The following RPH3A variants were observed in gnomAD, a reference collection of about 807,000 sequenced individuals.
RPH3A encodes rabphilin 3A.
In RPH3A, 48 loss-of-function variants were observed where a neutral mutation model predicts 102.2. The observed-to-expected ratio is 0.47, with a 90% CI of 0.37 to 0.60. The LOEUF (loss-of-function observed/expected upper bound fraction) is 0.60. Among genes scored for constraint, RPH3A ranks in the 20% least tolerant of loss-of-function variants. The pLI is 0.00. For synonymous variants in RPH3A, 310 were observed against 324.3 expected, an observed-to-expected ratio of 0.96 and a Z score of 0.47; for missense variants, 781 against 910.1, an observed-to-expected ratio of 0.86 and a Z score of 1.83.
At chr12:112,653,508 G>T (rs751841498) in intron 1 of RPH3A, among the ~76,000 whole-genome samples, 9 of 152,168 alleles carry the variant, frequency 5.9e-5, no homozygotes, top group South Asian at 2.1e-4. Flanking sequence ...CGAAGGCCTA[G>T]GACATTACTG....
intron 1 of RPH3A, among the ~76,000 whole-genome samples, chr12:112,671,519 T>A (rs1205394288): frequency 6.6e-6 from 1 of 152,142 alleles, no homozygotes; most frequent in Non-Finnish European, 1.5e-5. Flanking sequence ...ATCTCATCAG[T>A]CAGAAATTCT....
At position 112,779,446 on chromosome 12, in the gene RPH3A, T is replaced by C. The variant is rs542964697; in HGVS notation, c.-139-12697T>C. 6.3e-4 allele frequency among the ~76,000 whole-genome samples: 96 copies of C among 152,316 alleles called. 1 individual carries two copies. The highest frequency in any genetic ancestry group is 3.0e-3 in the Admixed American group (46 of 15,306). Reference sequence around the variant, plus strand: ...GCAGCAGCTGGGGCCTTCAGTCAATTAAGCTTCCTGTAGCTGCGGGTCTGC... The same window carrying C: ...GCAGCAGCTGGGGCCTTCAGTCAATCAAGCTTCCTGTAGCTGCGGGTCTGC... On this transcript the variant is annotated intron_variant, in intron 1 of 21. Coordinates refer to the RPH3A transcript ENST00000543106.
intron 1 of RPH3A, among the ~76,000 whole-genome samples, chr12:112,660,144 A>G (rs2040039721): frequency 6.6e-6 from 1 of 152,220 alleles, no homozygotes; most frequent in African/African-American, 2.4e-5. Flanking sequence ...TATGCATATT[A>G]TGTATCTATG....
chr12:112,704,866 T>C (rs541462572), intron 1 of RPH3A, among the ~76,000 whole-genome samples: 70 of 152,344 alleles, frequency 4.6e-4, no homozygotes, highest in African/African-American at 1.7e-3. Flanking sequence ...ATGCAGTAGA[T>C]TGTTACACAA....
intron 10 of RPH3A, 128 bp from the exon 11 acceptor site, chr12:112,874,956 G>A (rs1227594089): frequency 6.1e-6 from 4 of 656,602 alleles, no homozygotes; most frequent in South Asian, 2.0e-5. Flanking sequence ...AGAGCTGAGC[G>A]AGTGAGGAGC....
chr12:112,730,985 G>A (rs1053800411), intron 1 of RPH3A, among the ~76,000 whole-genome samples: 1 of 152,166 alleles, frequency 6.6e-6, no homozygotes, highest in African/African-American at 2.4e-5. Context: ...GAACAGAAAG[G>A]GGGACATTGC....
At position 112,881,887 on chromosome 12, in the gene RPH3A, G is replaced by A. The variant is rs1169055999; in HGVS notation, c.1326+41G>A. ...GGCTTCTCTGCAAACCGGGTGCATG[G>A]GCCCTGGCAGATACCCAGGGTTCTC... On this transcript the variant is annotated intron_variant, in intron 15 of 21. Coordinates refer to ENST00000389385, the MANE Select transcript of RPH3A (RefSeq NM_001143854.2). 5 of 1,524,060 alleles carry A rather than the reference G, an allele frequency of 3.3e-6. No individual in the cohort carries two copies. In the Admixed American group the frequency reaches 7.1e-5, roughly 22 times the overall value. 94.4% of individuals were successfully genotyped at this position (1,524,060 alleles called of 1,614,324 possible). A position where few individuals can be genotyped will look rare whatever the true frequency, so the allele number is the denominator to read the frequency against.
intron 2 of RPH3A, among the ~76,000 whole-genome samples, chr12:112,802,678 G>A (rs1394067121): frequency 6.6e-6 from 1 of 151,980 alleles, no homozygotes; most frequent in African/African-American, 2.4e-5. Context: ...CTCAGGCTGA[G>A]ACGTTGCCCC....
rs559082092 is a variant in RPH3A at position 112,751,271 on chromosome 12, G to A, written c.-139-40872G>A. Among the ~76,000 whole-genome samples, 17 of 152,300 alleles carry A rather than the reference G, an allele frequency of 1.1e-4. No individual in the cohort carries two copies. The South Asian group carries it at 2.7e-3, about 24-fold the overall frequency. On this transcript the variant is annotated intron_variant, in intron 1 of 21. Coordinates refer to the RPH3A transcript ENST00000543106. Reference sequence around the variant, plus strand: ...ATGTTGGTGGGATAATGAAATGATGGAACTATCCTGGAAGTCATATGCATA... The same window carrying A: ...ATGTTGGTGGGATAATGAAATGATGAAACTATCCTGGAAGTCATATGCATA...
chr12:112,893,512 T>C (rs1309594975), intron 19 of RPH3A: 2 of 152,270 alleles, frequency 1.3e-5, no homozygotes, highest in Non-Finnish European at 2.9e-5. Flanking sequence ...TTTGTTTTGT[T>C]TGGTTTGTGT....
At chr12:112,894,327 G>A (rs1252629960) in intron 19 of RPH3A, 1 of 513,450 alleles carries the variant, frequency 1.9e-6, no homozygotes, top group South Asian at 3.1e-5. Flanking sequence ...CTGGATCTCA[G>A]TTTCTGTTTC....
At chr12:112,895,719 TC>T in intron 20 of RPH3A, 57 bp from the exon 21 acceptor site, 2 of 1,266,338 alleles carry the variant, frequency 1.6e-6, no homozygotes, top group African/African-American at 2.9e-5. Flanking sequence ...GCCTCTTACC[TC>T]CCAATGCTGT....
At chr12:112,677,053 A>G (rs1180205132) in intron 1 of RPH3A, among the ~76,000 whole-genome samples, 1 of 152,064 alleles carries the variant, frequency 6.6e-6, no homozygotes, top group Admixed American at 6.6e-5. Flanking sequence ...TTTTTGATAG[A>G]GCTTCTTTAT....
rs1248531011 is a variant in RPH3A, at chr12:112,683,392, G to T, written c.-140+108073G>T. On this transcript the variant is annotated intron_variant, in intron 1 of 21. Coordinates refer to the RPH3A transcript ENST00000543106. ...GTGAGTGAGTCACAGGCTAGGTAGG[G>T]GTCCTACCAAACAGATGGCTCATGG... Among the ~76,000 whole-genome samples the T allele has an allele frequency of 2.0e-5, 3 of 152,106 alleles. No individual in the cohort carries two copies. In the East Asian group the frequency reaches 5.8e-4, roughly 29 times the overall value.
chr12:112,719,054 AT>A (rs1002584181), intron 1 of RPH3A, among the ~76,000 whole-genome samples: 1 of 152,180 alleles, frequency 6.6e-6, no homozygotes, highest in Non-Finnish European at 1.5e-5. Context: ...TGGCAATGCC[AT>A]TTTTTGTTGT....
chr12:112,734,056 A>C (rs1592970168), intron 1 of RPH3A, among the ~76,000 whole-genome samples: 3 of 152,218 alleles, frequency 2.0e-5, no homozygotes, highest in Admixed American at 2.0e-4. Flanking sequence ...AGATGAAAAA[A>C]ACGAGGTCCA....
intron 2 of RPH3A, among the ~76,000 whole-genome samples, chr12:112,811,778 A>T (rs180701325): frequency 1.3e-5 from 2 of 152,218 alleles, no homozygotes; most frequent in Non-Finnish European, 2.9e-5. Flanking sequence ...ATGTGTGTGT[A>T]TGTATCTGCA....
chr12:112,868,256 T>G, intron 7 of RPH3A, 174 bp from the exon 8 acceptor site: 1 of 606,298 alleles, frequency 1.6e-6, no homozygotes, highest in Non-Finnish European at 2.7e-6. Context: ...GTTTTCAGGG[T>G]GGATGGGCTG....
At chr12:112,895,067 G>A (rs2043157435) in intron 20 of RPH3A, among the ~76,000 whole-genome samples, 1 of 152,076 alleles carries the variant, frequency 6.6e-6, no homozygotes. Flanking sequence ...CAGATTGTCT[G>A]GGAACATATG....
Sources: allele counts gnomAD v4.1 joint callset (sites outside exome capture counted in the v4.1 genomes callset), GRCh38; gene constraint gnomAD v4.1.1; transcripts MANE v1.5; gene names NCBI Gene and HGNC (gene_info 2026-07-23, HGNC 2026-07-21).